Variants in NTPCR observed in about 807,000 individuals in gnomAD.
The protein encoded by NTPCR is nucleoside-triphosphatase, cancer-related.
In NTPCR, 15 loss-of-function variants were observed where a neutral mutation model predicts 19.5. That is an observed-to-expected ratio of 0.77 (90% CI 0.51 to 1.18). The LOEUF is 1.18. Ranked by LOEUF, NTPCR falls within the 50% of genes most tolerant of loss-of-function variation. The probability of loss-of-function intolerance (pLI) is 0.00; values close to 1 mark genes in which losing one functional copy is unlikely to be tolerated. For synonymous variants in NTPCR, 90 were observed against 95.8 expected (o/e 0.94, Z 0.36); for missense variants, 206 against 240.4 (o/e 0.86, Z 0.95).
At position 232,961,478 on chromosome 1, in the gene NTPCR, G is replaced by T. The variant is rs576098080; in HGVS notation, c.294+5035G>T. 3.3e-5 allele frequency among the ~76,000 whole-genome samples: 5 copies of T among 152,312 alleles called. No individual in the cohort carries two copies. In the South Asian group the frequency reaches 8.3e-4, roughly 25 times the overall value. On this transcript the variant is annotated intron_variant, in intron 3 of 4. Coordinates refer to ENST00000366628, the MANE Select transcript of NTPCR (RefSeq NM_032324.3). ...TTTTCAGTTACTAATGGGGTTAAAT[G>T]TTTTTCAGTTGTTCATTAAGTTTTC... is the stretch of plus-strand genomic sequence containing the variant.
chr1:232,971,171 C>A (rs1428588409), intron 4 of NTPCR, among the ~76,000 whole-genome samples: 1 of 152,226 alleles, frequency 6.6e-6, no homozygotes, highest in Admixed American at 6.5e-5. Flanking sequence ...TCCCCAACCC[C>A]TACCCTTAGT....
In NTPCR at chr1:232,982,383, C is replaced by T. The variant is rs1353822161; in HGVS notation, c.*4152C>T. The T allele has an allele frequency of 6.6e-6, 1 of 152,192 alleles. No homozygotes were observed. The highest frequency in any genetic ancestry group is 2.4e-5 in the African/African-American group (1 of 41,444). 9.4% of individuals were successfully genotyped at this position (152,192 alleles called of 1,614,324 possible). A position where few individuals can be genotyped will look rare whatever the true frequency, so the allele number is the denominator to read the frequency against. On this transcript the variant is annotated 3_prime_UTR_variant, in exon 5 of 5. Coordinates refer to ENST00000366628, the MANE Select transcript of NTPCR (RefSeq NM_032324.3). Reference sequence around the variant, plus strand: ...ACATCTGTGCCTCGGTATGCACACTCGAGATGCCCGCTCTCATAGACGGTG... The same window carrying T: ...ACATCTGTGCCTCGGTATGCACACTTGAGATGCCCGCTCTCATAGACGGTG...
intron 3 of NTPCR, among the ~76,000 whole-genome samples, chr1:232,960,446 C>T (rs767440956): frequency 1.1e-4 from 16 of 151,464 alleles, no homozygotes; most frequent in Non-Finnish European, 2.2e-4. Context: ...AGGGTTCAAG[C>T]GATTCTTGTG....
At chr1:232,975,363 G>A (rs1669096901) in intron 4 of NTPCR, among the ~76,000 whole-genome samples, 1 of 152,126 alleles carries the variant, frequency 6.6e-6, no homozygotes, top group African/African-American at 2.4e-5. Context: ...GCCTAGGTAC[G>A]GCGAGAGACA....
chr1:232,953,161 C>G (rs2102735410), intron 1 of NTPCR, among the ~76,000 whole-genome samples: 1 of 152,306 alleles, frequency 6.6e-6, no homozygotes, highest in East Asian at 1.9e-4. Context: ...CTTCCCTTCC[C>G]TTTCTGAATT....
At chr1:232,957,519 T>A (rs909651511) in intron 3 of NTPCR, among the ~76,000 whole-genome samples, 2 of 152,214 alleles carry the variant, frequency 1.3e-5, no homozygotes, top group African/African-American at 4.8e-5. Flanking sequence ...TTTTGTAAGA[T>A]TGGTGATATT....
intron 3 of NTPCR, among the ~76,000 whole-genome samples, chr1:232,957,966 G>T (rs987754935): frequency 3.9e-5 from 6 of 152,128 alleles, no homozygotes; most frequent in Non-Finnish European, 7.3e-5. Context: ...TCAGGGTGGG[G>T]AGGTCTGGGG....
At chr1:232,951,700 G>GT (rs1668369580) in intron 1 of NTPCR, among the ~76,000 whole-genome samples, 1 of 152,088 alleles carries the variant, frequency 6.6e-6, no homozygotes, top group African/African-American at 2.4e-5. Context: ...ATGTTTAGTT[G>GT]TAAGTAGCAA....
chr1:232,960,509 A>G (rs2102743680), intron 3 of NTPCR, among the ~76,000 whole-genome samples: 1 of 151,742 alleles, frequency 6.6e-6, no homozygotes, highest in South Asian at 2.1e-4. Flanking sequence ...GCACCTGGCT[A>G]ATTTTTGTAT....
At chr1:232,976,387 G>A in intron 4 of NTPCR, 3 of 1,550,276 alleles carry the variant, frequency 1.9e-6, no homozygotes, top group Non-Finnish European at 2.6e-6. Flanking sequence ...CTCCAGCTGT[G>A]TATCACAGTC....
At chr1:232,952,274 G>A (rs1022546160) in intron 1 of NTPCR, among the ~76,000 whole-genome samples, 2 of 151,970 alleles carry the variant, frequency 1.3e-5, no homozygotes, top group African/African-American at 4.8e-5. Flanking sequence ...CAGTGAAACA[G>A]TTATAGCTCA....
intron 3 of NTPCR, chr1:232,968,716 C>G (rs1668891205): frequency 6.6e-6 from 1 of 152,230 alleles, no homozygotes. Flanking sequence ...CAGACATGCC[C>G]TCTAGGACTA....
intron 3 of NTPCR, chr1:232,966,819 A>G (rs965280685): frequency 1.3e-5 from 2 of 152,274 alleles, no homozygotes; most frequent in Non-Finnish European, 2.9e-5. Flanking sequence ...AGTGTGTTAC[A>G]TAGGACTGAG....
Position 232,981,601 on chromosome 1 carries a change from C to T in NTPCR, c.*3370C>T, listed in dbSNP as rs1669283447. On this transcript the variant is annotated 3_prime_UTR_variant, in exon 5 of 5. Coordinates refer to ENST00000366628, the MANE Select transcript of NTPCR (RefSeq NM_032324.3). ...CTTGCCAGATGATTTCAACACACTG[C>T]AAAATTTAGAATCAATAATGCCAAA... 1 of 151,624 alleles carries T rather than the reference C, an allele frequency of 6.6e-6. No individual in the cohort carries two copies. Among genetic ancestry groups the T allele is most frequent in the African/African-American group, 2.4e-5 (1 of 41,244 alleles). 9.4% of individuals were successfully genotyped at this position (151,624 alleles called of 1,614,324 possible).
In NTPCR at chr1:232,978,933, C is replaced by T. The variant is rs966521278; in HGVS notation, c.*702C>T. On this transcript the variant is annotated 3_prime_UTR_variant, in exon 5 of 5. Transcript: ENST00000366628. ...TGCTTTGCCTTAGTTTACTCGGGAG[C>T]AATTTTGAATCTTTCTATGCCTAGT... The T allele has an allele frequency of 2.0e-5, 3 of 152,076 alleles. No individual in the cohort carries two copies. Among genetic ancestry groups the T allele is most frequent in the African/African-American group, 7.2e-5 (3 of 41,388 alleles). The allele number at this position is 152,076 out of a possible 1,614,324, so 9.4% of individuals were successfully genotyped here. A position where few individuals can be genotyped will look rare whatever the true frequency, so the allele number is the denominator to read the frequency against.
rs779563116 is a variant in NTPCR at position 232,980,320 on chromosome 1, G to GT, written c.*2092dup. On this transcript the variant is annotated 3_prime_UTR_variant, in exon 5 of 5. Coordinates refer to ENST00000366628, the MANE Select transcript of NTPCR (RefSeq NM_032324.3). ...AACGGTAAAGAGACAAGCTTGGAGT[G>GT]TTTAAGTGGTTCGTTCAGGAGCACA... The GT allele has an allele frequency of 2.6e-5, 4 of 152,198 alleles. No homozygotes were observed. Among genetic ancestry groups the GT allele is most frequent in the African/African-American group, 7.2e-5 (3 of 41,434 alleles). The allele number at this position is 152,198 out of a possible 1,614,324, so 9.4% of individuals were successfully genotyped here.
At chr1:232,955,505 G>T in intron 1 of NTPCR, 52 bp from the exon 2 acceptor site, 2 of 1,451,658 alleles carry the variant, frequency 1.4e-6, no homozygotes, top group Non-Finnish European at 1.8e-6. Flanking sequence ...TCTAGTAAGG[G>T]AATGTTTCCT....
intron 4 of NTPCR, among the ~76,000 whole-genome samples, 185 bp from the exon 5 acceptor site, chr1:232,977,978 G>C (rs183604628): frequency 1.3e-5 from 2 of 152,340 alleles, no homozygotes. Context: ...AGAAACTGAT[G>C]CTGGGACTCG....
chr1:232,969,906 C>A lies in NTPCR; in HGVS notation c.295-3C>A. The A allele has an allele frequency of 1.2e-6, 2 of 1,613,568 alleles. No homozygotes were observed. Among genetic ancestry groups the A allele is most frequent in the South Asian group, 2.2e-5 (2 of 90,976 alleles). The stretch of plus-strand genomic sequence containing the variant: ...TCCCAGTGAAAGTCTTTGTCATTCT[C>A]AGGCCGACTGCAGCAGTGGCCCAGG... On this transcript the variant is annotated splice_region_variant and splice_polypyrimidine_tract_variant and intron_variant, in intron 3 of 4. Transcript: ENST00000366628.
Sources: gnomAD v4.1 joint callset for allele counts (sites outside exome capture counted in the v4.1 genomes callset) on GRCh38, gnomAD v4.1.1 for gene constraint, MANE v1.5 for transcripts, NCBI Gene and HGNC (gene_info 2026-07-23, HGNC 2026-07-21) for gene names.